The following ABTB3 variants were observed in gnomAD, a reference collection of about 807,000 sequenced individuals.
ABTB3 encodes the protein ankyrin repeat- and BTB/POZ domain-containing protein 3.
At chr12:107,488,251 G>A in the ABTB3 span, among the ~76,000 whole-genome samples, 6 of 152,214 alleles carry the variant, frequency 3.9e-5, no homozygotes, top group South Asian at 1.2e-3. Flanking sequence ...TGCCTGGTGG[G>A]TGGTGGAAAT....
At chr12:107,529,886 A>G in the ABTB3 span, among the ~76,000 whole-genome samples, 1 of 152,206 alleles carries the variant, frequency 6.6e-6, no homozygotes, top group African/African-American at 2.4e-5. Flanking sequence ...CAGTAGGGAA[A>G]GTAGATGTGT....
chr12:107,367,947 T>C, the ABTB3 span, among the ~76,000 whole-genome samples: 3 of 152,238 alleles, frequency 2.0e-5, no homozygotes, highest in Admixed American at 6.5e-5. Flanking sequence ...GTGTGTGTTA[T>C]TGATTTATAG....
the ABTB3 span, among the ~76,000 whole-genome samples, chr12:107,385,264 G>A: frequency 6.6e-6 from 1 of 152,190 alleles, no homozygotes; most frequent in Non-Finnish European, 1.5e-5. Context: ...CTTCTTGTGG[G>A]CTGGACATAG....
the ABTB3 span, among the ~76,000 whole-genome samples, chr12:107,547,409 A>G: frequency 6.6e-6 from 1 of 152,096 alleles, no homozygotes; most frequent in Admixed American, 6.6e-5. Context: ...TCTATTACAC[A>G]GTGTCCATTT....
the ABTB3 span, among the ~76,000 whole-genome samples, chr12:107,589,308 C>T: frequency 6.6e-6 from 1 of 152,116 alleles, no homozygotes; most frequent in Non-Finnish European, 1.5e-5. Context: ...GGCATTATAC[C>T]ATTTGGGATA....
chr12:107,587,729 G>A, the ABTB3 span, among the ~76,000 whole-genome samples: 7 of 152,306 alleles, frequency 4.6e-5, no homozygotes, highest in South Asian at 1.5e-3. Context: ...GGTATACAGT[G>A]TCAGCACTGC....
At chr12:107,637,611 A>G in the ABTB3 span, among the ~76,000 whole-genome samples, 1 of 152,178 alleles carries the variant, frequency 6.6e-6, no homozygotes, top group African/African-American at 2.4e-5. Flanking sequence ...ACTAAAGGTC[A>G]CCAAATAGTG....
the ABTB3 span, chr12:107,650,058 G>A: frequency 3.9e-5 from 6 of 152,308 alleles, no homozygotes; most frequent in South Asian, 2.1e-4. Flanking sequence ...GTTATCTGAC[G>A]TCTGGGGGGT....
chr12:107,506,994 G>A, the ABTB3 span, among the ~76,000 whole-genome samples: 3 of 152,156 alleles, frequency 2.0e-5, no homozygotes, highest in South Asian at 4.1e-4. Context: ...TTTAAAAACA[G>A]GCATGGATAA....
the ABTB3 span, among the ~76,000 whole-genome samples, chr12:107,639,610 C>A: frequency 0.21 from 32,370 of 152,118 alleles, 4,002 homozygotes; most frequent in African/African-American, 0.33. Flanking sequence ...AGACTGGCAC[C>A]TTCAGGAGCC....
the ABTB3 span, among the ~76,000 whole-genome samples, chr12:107,448,643 TTC>T: frequency 1.7e-4 from 24 of 137,580 alleles, no homozygotes; most frequent in African/African-American, 6.8e-4. Flanking sequence ...CTTTCTTTCT[TTC>T]TTTTTTTTTT....
chr12:107,541,441 C>G, the ABTB3 span, among the ~76,000 whole-genome samples: 1 of 152,228 alleles, frequency 6.6e-6, no homozygotes, highest in Admixed American at 6.5e-5. Context: ...CTCTCTCTCT[C>G]TCTTTCTCTG....
At chr12:107,525,626 G>A in the ABTB3 span, among the ~76,000 whole-genome samples, 8 of 152,164 alleles carry the variant, frequency 5.3e-5, no homozygotes, top group Non-Finnish European at 1.0e-4. Flanking sequence ...ATATTTCTCA[G>A]AACCCATCCC....
chr12:107,476,812 AGTGT>A, the ABTB3 span, among the ~76,000 whole-genome samples: 33 of 148,616 alleles, frequency 2.2e-4, no homozygotes, highest in Middle Eastern at 3.5e-3. Context: ...GAATGCATGA[AGTGT>A]GTGTGTGTGT....
At chr12:107,351,200 C>T in the ABTB3 span, among the ~76,000 whole-genome samples, 1 of 152,188 alleles carries the variant, frequency 6.6e-6, no homozygotes, top group South Asian at 2.1e-4. Context: ...GTGTTTTGAT[C>T]CTCATTCCTA....
At chr12:107,583,687 C>T in the ABTB3 span, among the ~76,000 whole-genome samples, 3 of 152,180 alleles carry the variant, frequency 2.0e-5, no homozygotes, top group Non-Finnish European at 2.9e-5. Context: ...CATGGTCTAG[C>T]GACCAAGTGT....
the ABTB3 span, among the ~76,000 whole-genome samples, chr12:107,627,592 G>A: frequency 2.0e-5 from 3 of 152,188 alleles, no homozygotes; most frequent in Admixed American, 6.5e-5. Flanking sequence ...ATCTCACTGT[G>A]AAATGACAGC....
the ABTB3 span, among the ~76,000 whole-genome samples, chr12:107,445,976 GCCCA>G: frequency 2.7e-5 from 4 of 145,946 alleles, no homozygotes; most frequent in African/African-American, 1.0e-4. Context: ...AATTACATTG[GCCCA>G]TCTAGATAAT....
chr12:107,648,579 G>A, the ABTB3 span, among the ~76,000 whole-genome samples: 11 of 152,232 alleles, frequency 7.2e-5, no homozygotes, highest in African/African-American at 1.4e-4. Flanking sequence ...TTTGGACATC[G>A]TGAGTCACAT....
Sources: gnomAD v4.1 joint callset for allele counts (sites outside exome capture counted in the v4.1 genomes callset) on GRCh38, gnomAD v4.1.1 for gene constraint, MANE v1.5 for transcripts, NCBI Gene and HGNC (gene_info 2026-07-23, HGNC 2026-07-21) for gene names.